Variants in ARL14EPL observed in about 807,000 individuals in gnomAD.
ARL14EPL encodes ARL14 effector protein-like.
In ARL14EPL, 17 loss-of-function variants were observed where a neutral mutation model predicts 15.9. The observed-to-expected ratio is 1.07, with a 90% CI of 0.73 to 1.60. ARL14EPL has a LOEUF of 1.60. Ranked by LOEUF, ARL14EPL falls within the 40% of genes most tolerant of loss-of-function variation. The probability of loss-of-function intolerance (pLI) is 0.00; values close to 1 mark genes in which losing one functional copy is unlikely to be tolerated. For synonymous variants in ARL14EPL, 78 were observed against 63.8 expected, an observed-to-expected ratio of 1.22 and a Z score of -1.06; for missense variants, 214 against 185.9, an observed-to-expected ratio of 1.15 and a Z score of -0.88.
At position 116,051,516 on chromosome 5, in the gene ARL14EPL, T is replaced by A. The variant is rs553511169; in HGVS notation, c.51T>A (p.Asp17Glu). ...ATTCCATTCAAGAGAGACACACAGA[T>A]CATAGTTTTCCTGAGAAGAACTGTC... Reference protein sequence around the residue: ...KNNSIQERHTDHSFPEKNCQI... With the variant: ...KNNSIQERHTEHSFPEKNCQI... Residue 17 changes from aspartate (D) to glutamate (E), a missense_variant, in exon 2 of 4, where the codon GAT (aspartate) becomes GAA (glutamate). Coordinates refer to ENST00000686077, the MANE Select transcript of ARL14EPL (RefSeq NM_001195581.2). 18 of 1,535,704 alleles carry A rather than the reference T, an allele frequency of 1.2e-5. No individual in the cohort carries two copies. In the East Asian group the frequency reaches 4.4e-4, roughly 38 times the overall value.
intron 1 of ARL14EPL, among the ~76,000 whole-genome samples, chr5:116,044,074 T>C (rs964788550): frequency 6.6e-6 from 1 of 152,190 alleles, no homozygotes; most frequent in Non-Finnish European, 1.5e-5. Flanking sequence ...ATCTCAAAAA[T>C]ATAGCAGTGG....
At chr5:116,037,260 T>C (rs1002156972) in intron 1 of ARL14EPL, among the ~76,000 whole-genome samples, 1 of 152,212 alleles carries the variant, frequency 6.6e-6, no homozygotes, top group Admixed American at 6.5e-5. Context: ...GTAATAACAA[T>C]GTTTGAAACA....
At chr5:116,054,704 G>A (rs965862589) in intron 3 of ARL14EPL, among the ~76,000 whole-genome samples, 30 of 152,076 alleles carry the variant, frequency 2.0e-4, no homozygotes, top group African/African-American at 3.4e-4. Flanking sequence ...GGTGGCACGC[G>A]CCTGTAGTCC....
Position 116,058,895 on chromosome 5 carries a change from T to G in ARL14EPL, c.407T>G (p.Val136Gly). The G allele has an allele frequency of 6.5e-7, 1 of 1,536,104 alleles. No individual in the cohort carries two copies. Residue 136 changes from valine to glycine, a missense_variant, in exon 4 of 4, where the codon GTC becomes GGC. Transcript: ENST00000686077. ...CNRRWVYDAI[V>G]TESGEVISTL... ...CGACGGTGGGTTTACGATGCCATCG[T>G]CACTGAGTCAGGAGAGGTCATCAGC...
At chr5:116,044,979 C>T (rs559959166) in intron 1 of ARL14EPL, among the ~76,000 whole-genome samples, 1 of 152,068 alleles carries the variant, frequency 6.6e-6, no homozygotes, top group Non-Finnish European at 1.5e-5. Context: ...CCTACTAGTT[C>T]GTCTTCATGA....
chr5:116,046,213 A>C (rs988982794), intron 1 of ARL14EPL, among the ~76,000 whole-genome samples: 3 of 152,184 alleles, frequency 2.0e-5, no homozygotes, highest in Middle Eastern at 3.2e-3. Flanking sequence ...ATTCCAAGAG[A>C]TATCTTACAG....
chr5:116,056,095 C>T, intron 3 of ARL14EPL, among the ~76,000 whole-genome samples: 1 of 151,984 alleles, frequency 6.6e-6, no homozygotes, highest in Non-Finnish European at 1.5e-5. Context: ...GTGAGTAGTG[C>T]CGCAATAAAC....
intron 1 of ARL14EPL, among the ~76,000 whole-genome samples, chr5:116,042,776 A>T (rs781659599): frequency 5.9e-5 from 9 of 152,132 alleles, no homozygotes; most frequent in Admixed American, 4.6e-4. Flanking sequence ...CATAAACCAG[A>T]CCCTATATCA....
intron 1 of ARL14EPL, among the ~76,000 whole-genome samples, chr5:116,042,289 GA>G (rs1749174819): frequency 6.6e-6 from 1 of 152,190 alleles, no homozygotes; most frequent in Admixed American, 6.5e-5. Flanking sequence ...GCACTTTGAA[GA>G]AAGGAACTGT....
chr5:116,053,145 C>G (rs1749429672), intron 2 of ARL14EPL, among the ~76,000 whole-genome samples: 1 of 152,080 alleles, frequency 6.6e-6, no homozygotes, highest in African/African-American at 2.4e-5. Flanking sequence ...CCCAGGAATT[C>G]AAGGCCAGCC....
intron 1 of ARL14EPL, among the ~76,000 whole-genome samples, chr5:116,035,728 G>C (rs1348827491): frequency 6.6e-6 from 1 of 152,138 alleles, no homozygotes; most frequent in Admixed American, 6.5e-5. Context: ...AACTTGACTG[G>C]GGCTGCTGCC....
intron 1 of ARL14EPL, among the ~76,000 whole-genome samples, chr5:116,039,757 AAC>A (rs1222340959): frequency 6.6e-6 from 1 of 152,198 alleles, no homozygotes; most frequent in East Asian, 1.9e-4. Context: ...GGTACAAATA[AAC>A]AGTATTATGA....
chr5:116,051,958 G>C, intron 2 of ARL14EPL: 3 of 1,610,798 alleles, frequency 1.9e-6, no homozygotes, highest in South Asian at 1.1e-5. Flanking sequence ...TGGTATTTCT[G>C]GTGTAAATTA....
At chr5:116,052,096 G>C in intron 2 of ARL14EPL, 1 of 1,613,348 alleles carries the variant, frequency 6.2e-7, no homozygotes, top group South Asian at 1.1e-5. Flanking sequence ...TAAGTTTATA[G>C]TTGGGAACTT....
At chr5:116,042,683 G>A (rs1411523782) in intron 1 of ARL14EPL, among the ~76,000 whole-genome samples, 1 of 152,162 alleles carries the variant, frequency 6.6e-6, no homozygotes, top group Non-Finnish European at 1.5e-5. Flanking sequence ...AACAGCTTCA[G>A]GAAGATAAAG....
intron 2 of ARL14EPL, 105 bp downstream of exon 2, chr5:116,051,666 T>G: frequency 1.0e-6 from 1 of 977,216 alleles, no homozygotes. Flanking sequence ...AGGCAGGACC[T>G]CACAGGGAGG....
intron 2 of ARL14EPL, chr5:116,051,905 C>T (rs1749389564): frequency 3.3e-6 from 5 of 1,497,926 alleles, no homozygotes; most frequent in Non-Finnish European, 2.8e-6. Flanking sequence ...GCTGGTTGGA[C>T]CTATTCATGC....
At chr5:116,053,387 C>G (rs1749440175) in intron 2 of ARL14EPL, among the ~76,000 whole-genome samples, 1 of 151,646 alleles carries the variant, frequency 6.6e-6, no homozygotes, top group Non-Finnish European at 1.5e-5. Flanking sequence ...AAAAAAAAAC[C>G]TCCAGAGACT....
chr5:116,054,701 C>T (rs985599136), intron 3 of ARL14EPL, among the ~76,000 whole-genome samples: 1 of 151,906 alleles, frequency 6.6e-6, no homozygotes, highest in East Asian at 1.9e-4. Context: ...CGTGGTGGCA[C>T]GCGCCTGTAG....
Sources: gnomAD v4.1 joint callset for allele counts (sites outside exome capture counted in the v4.1 genomes callset) on GRCh38, gnomAD v4.1.1 for gene constraint, MANE v1.5 for transcripts, NCBI Gene and HGNC (gene_info 2026-07-23, HGNC 2026-07-21) for gene names.